KLHL29: variants seen among roughly 807,000 people sequenced by gnomAD.
KLHL29 encodes kelch like family member 29.
A neutral mutation model predicts 80.4 loss-of-function variants in KLHL29; 21 were observed. The ratio of observed to expected loss-of-function variants is 0.26; its 90% CI spans 0.19 to 0.38. The LOEUF (loss-of-function observed/expected upper bound fraction) is 0.38. Ranked by LOEUF, KLHL29 falls within the 10% of genes least tolerant of loss-of-function variation. The pLI, the probability that KLHL29 is intolerant of heterozygous loss-of-function variation, is 1.00. For synonymous variants in KLHL29, 511 were observed against 526.8 expected (o/e 0.97, Z 0.41); for missense variants, 867 against 1,223.9 (o/e 0.71, Z 4.35).
At chr2:23,583,564 G>C (rs1180074398) in intron 3 of KLHL29, among the ~76,000 whole-genome samples, 2 of 152,224 alleles carry the variant, frequency 1.3e-5, no homozygotes, top group African/African-American at 4.8e-5. Context: ...CCTCTCAGAA[G>C]GGAAGGAGCT....
intron 2 of KLHL29, among the ~76,000 whole-genome samples, chr2:23,522,018 G>A (rs953700648): frequency 6.6e-6 from 1 of 152,160 alleles, no homozygotes; most frequent in African/African-American, 2.4e-5. Context: ...TTTGCCTAAA[G>A]CACTAGTACC....
intron 5 of KLHL29, among the ~76,000 whole-genome samples, chr2:23,675,747 T>C (rs1010991729): frequency 3.3e-5 from 5 of 152,240 alleles, no homozygotes; most frequent in Admixed American, 1.3e-4. Context: ...TTAGCAACTG[T>C]AGATTGCATA....
chr2:23,404,721 GC>G (rs1275123641), intron 1 of KLHL29, among the ~76,000 whole-genome samples: 1 of 152,256 alleles, frequency 6.6e-6, no homozygotes, highest in Non-Finnish European at 1.5e-5. Context: ...GTCCTGCCGA[GC>G]CTGTAAGCCA....
At chr2:23,575,219 G>A (rs959275190) in intron 3 of KLHL29, among the ~76,000 whole-genome samples, 7 of 152,168 alleles carry the variant, frequency 4.6e-5, no homozygotes, top group African/African-American at 1.7e-4. Flanking sequence ...GAGCGTTTTT[G>A]TGGTCCATTT....
intron 5 of KLHL29, among the ~76,000 whole-genome samples, chr2:23,645,582 T>C (rs978413568): frequency 6.6e-6 from 1 of 152,238 alleles, no homozygotes; most frequent in Non-Finnish European, 1.5e-5. Context: ...TTCCCTGCTA[T>C]TGTTTGACGT....
In KLHL29 at chr2:23,528,936, C is replaced by A. The variant is rs1020582909; in HGVS notation, c.-45-33216C>A. 2.6e-5 allele frequency among the ~76,000 whole-genome samples: 4 copies of A among 152,150 alleles called. No individual in the cohort carries two copies. In the East Asian group the frequency reaches 7.7e-4, roughly 29 times the overall value. ...CTGCAAGTTGGCTGGGGTAGGGGTG[C>A]CCCTTGGGCCTTGGGAGTGGGACTC... On this transcript the variant is annotated intron_variant, in intron 2 of 13. Coordinates refer to ENST00000486442, the MANE Select transcript of KLHL29 (RefSeq NM_052920.2).
At chr2:23,516,203 C>T (rs1665916986) in intron 2 of KLHL29, among the ~76,000 whole-genome samples, 2 of 152,032 alleles carry the variant, frequency 1.3e-5, no homozygotes, top group South Asian at 4.2e-4. Context: ...GAAGCTAAGG[C>T]AGGGCTCTAC....
rs919973738 is a variant in KLHL29 at position 23,503,212 on chromosome 2, C to T, written c.-46+27545C>T. On this transcript the variant is annotated intron_variant, in intron 2 of 13. Coordinates refer to ENST00000486442, the MANE Select transcript of KLHL29 (RefSeq NM_052920.2). This position sits in a 1 kb window ranked among gnomAD's most constrained non-coding sequence, Gnocchi z 4.0. ...GGAGGCTGCTGTCCTGTGAAGTAGA[C>T]CTGGCAGGGGATGGCTGCTCCGGGC... Among the ~76,000 whole-genome samples, 2 of 152,268 alleles carry T rather than the reference C, an allele frequency of 1.3e-5. No homozygotes were observed. Among genetic ancestry groups the T allele is most frequent in the South Asian group, 2.1e-4 (1 of 4,812 alleles).
In KLHL29 at chr2:23,486,927, G is replaced by A. The variant is rs554831065; in HGVS notation, c.-46+11260G>A. 3.3e-5 allele frequency among the ~76,000 whole-genome samples: 5 copies of A among 152,346 alleles called. No homozygotes were observed. The South Asian group carries it at 6.2e-4, about 19-fold the overall frequency. ...GGCCAAGTGCCCAAGGCTGTGCTAA[G>A]CAACTTGCATGCACTTTCTCGTGGA... On this transcript the variant is annotated intron_variant, in intron 2 of 13. Transcript: ENST00000486442.
At chr2:23,564,632 C>T (rs1440806181) in intron 3 of KLHL29, among the ~76,000 whole-genome samples, 3 of 152,234 alleles carry the variant, frequency 2.0e-5, no homozygotes, top group Non-Finnish European at 2.9e-5. Context: ...TAGCCTGGCT[C>T]CTGCCCACCC....
At chr2:23,425,024 C>A (rs1662967357) in intron 1 of KLHL29, among the ~76,000 whole-genome samples, 1 of 152,156 alleles carries the variant, frequency 6.6e-6, no homozygotes, top group African/African-American at 2.4e-5. Flanking sequence ...TTTCCTTGCA[C>A]AACTAATTTA....
At chr2:23,635,527 C>T (rs1338539529) in intron 3 of KLHL29, among the ~76,000 whole-genome samples, 1 of 152,196 alleles carries the variant, frequency 6.6e-6, no homozygotes, top group East Asian at 1.9e-4. Flanking sequence ...CCGTAGAGGC[C>T]CTCGGTCTTT....
intron 5 of KLHL29, chr2:23,667,198 A>G (rs1185556252): frequency 2.0e-5 from 3 of 152,242 alleles, no homozygotes; most frequent in Non-Finnish European, 2.9e-5. Flanking sequence ...GAATATTTGC[A>G]TAAACATATG....
chr2:23,448,493 G>A lies in KLHL29; in HGVS notation c.-153-27067G>A, dbSNP rs1256145641. The stretch of plus-strand genomic sequence containing the variant: ...TATTTAAGAAAAGATTAATAGAGGG[G>A]ATTGGGAGTTTCCAGAATTAGAAGG... On this transcript the variant is annotated intron_variant, in intron 1 of 13. Transcript: ENST00000486442. Among the ~76,000 whole-genome samples, 3 of 152,202 alleles carry A rather than the reference G, an allele frequency of 2.0e-5. No individual in the cohort carries two copies. The East Asian group carries it at 5.8e-4, about 29-fold the overall frequency.
intron 3 of KLHL29, among the ~76,000 whole-genome samples, chr2:23,606,250 GAA>G (rs1204139765): frequency 6.6e-6 from 1 of 151,798 alleles, no homozygotes; most frequent in Non-Finnish European, 1.5e-5. Flanking sequence ...AGGGAGGAAT[GAA>G]AAGAGATGAT....
chr2:23,527,480 C>A (rs1184995952), intron 2 of KLHL29, among the ~76,000 whole-genome samples: 1 of 152,218 alleles, frequency 6.6e-6, no homozygotes, highest in African/African-American at 2.4e-5. Flanking sequence ...GAAGGACTGC[C>A]CTTTCCTGGG....
chr2:23,399,613 G>GAAATCTACAGCCTCAAGTGT (rs1666539648), intron 1 of KLHL29, among the ~76,000 whole-genome samples: 1 of 152,200 alleles, frequency 6.6e-6, no homozygotes. Context: ...GCAATACAAT[G>GAAATCTACAGCCTCAAGTGT]AAATCTACAG....
chr2:23,466,101 G>C (rs922118427), intron 1 of KLHL29, among the ~76,000 whole-genome samples: 3 of 152,098 alleles, frequency 2.0e-5, no homozygotes, highest in African/African-American at 7.2e-5. Context: ...AAAAATCACA[G>C]AGAAACGCCT....
rs903064992 is a variant in KLHL29 at position 23,495,061 on chromosome 2, T to C, written c.-46+19394T>C. 2.0e-5 allele frequency among the ~76,000 whole-genome samples: 3 copies of C among 152,212 alleles called. No homozygotes were observed. In the East Asian group the frequency reaches 5.8e-4, roughly 29 times the overall value. On this transcript the variant is annotated intron_variant, in intron 2 of 13. Coordinates refer to ENST00000486442, the MANE Select transcript of KLHL29 (RefSeq NM_052920.2). ...TTTATTTCTGTGAGTATTTTATTTA[T>C]TTTTTGGAGACGGAGTCTTGAACTC... is the stretch of plus-strand genomic sequence containing the variant.
Sources: allele counts gnomAD v4.1 joint callset (sites outside exome capture counted in the v4.1 genomes callset), GRCh38; gene constraint gnomAD v4.1.1; non-coding constraint Gnocchi (gnomAD v3.1); transcripts MANE v1.5; gene names NCBI Gene and HGNC (gene_info 2026-07-23, HGNC 2026-07-21).